Variants in FRAS1 observed in about 807,000 individuals in gnomAD.
FRAS1 encodes the protein Fraser extracellular matrix complex subunit 1, also known as extracellular matrix organizing protein FRAS1.
In FRAS1, 290 loss-of-function variants were observed where a neutral mutation model predicts 435.2. The observed-to-expected ratio is 0.67, with a 90% CI of 0.61 to 0.73. FRAS1 has a LOEUF of 0.73. Ranked by LOEUF, FRAS1 falls within the 30% of genes least tolerant of loss-of-function variation. FRAS1 has a pLI of 0.00. For synonymous variants in FRAS1, 1,800 were observed against 1,851.0 expected, an observed-to-expected ratio of 0.97 and a Z score of 0.71; for missense variants, 4,860 against 5,001.5, an observed-to-expected ratio of 0.97 and a Z score of 0.85.
chr4:78,246,897 G>A (rs189722868), intron 4 of FRAS1, among the ~76,000 whole-genome samples: 13 of 152,288 alleles, frequency 8.5e-5, no homozygotes, highest in African/African-American at 2.9e-4. Context: ...AATTTAAGAT[G>A]CCTGAGAATA....
chr4:78,116,282 G>A (rs1743168079), intron 2 of FRAS1, among the ~76,000 whole-genome samples: 2 of 152,168 alleles, frequency 1.3e-5, no homozygotes, highest in African/African-American at 2.4e-5. Context: ...GGTGTGGTGT[G>A]GTGCTGAAAA....
chr4:78,500,035 G>T, intron 61 of FRAS1, 114 bp downstream of exon 61: 1 of 792,156 alleles, frequency 1.3e-6, no homozygotes. Context: ...AGTTCCAATA[G>T]CTAAAGCATT....
rs777668628 is a variant in FRAS1, at chr4:78,266,902, C to T, written c.756C>T (p.His252=). The change falls in exon 8 of 74, where the codon CAC becomes CAT. Residue 252 remains histidine, a synonymous_variant. Transcript: ENST00000512123. ...GTGACCGGGGTGAGGTCAGGTGTCA[C>T]AAGCAGGCCTGCCTGCCCCTGAGAT... ...CICDRGEVRC[H]KQACLPLRCG... 3 of 1,607,914 alleles carry T rather than the reference C, an allele frequency of 1.9e-6. No homozygotes were observed. The highest frequency in any genetic ancestry group is 2.2e-5 in the South Asian group (2 of 89,298).
chr4:78,150,735 A>G (rs1288306457), intron 2 of FRAS1, among the ~76,000 whole-genome samples: 1 of 152,162 alleles, frequency 6.6e-6, no homozygotes, highest in African/African-American at 2.4e-5. Flanking sequence ...ACAAATTCCA[A>G]AGCCTGTGAG....
chr4:78,298,018 CTCTCTCTCTCTCTATA>C (rs1728217445), intron 14 of FRAS1, among the ~76,000 whole-genome samples: 1 of 107,528 alleles, frequency 9.3e-6, no homozygotes. Context: ...CTCTCTCTCT[CTCTCTCTCTCTCTATA>C]TATATATATA....
chr4:78,067,229 C>T (rs4859908), intron 2 of FRAS1, among the ~76,000 whole-genome samples: 37,521 of 151,972 alleles, frequency 0.25, 5,010 homozygotes, highest in East Asian at 0.35. Flanking sequence ...GGCCATGTAT[C>T]ATTCCATACT....
chr4:78,125,564 G>T (rs1295900343), intron 2 of FRAS1, among the ~76,000 whole-genome samples: 1 of 152,066 alleles, frequency 6.6e-6, no homozygotes, highest in East Asian at 1.9e-4. Context: ...CTCTTTCGTT[G>T]ATCTGTCTTT....
At chr4:78,112,751 G>A (rs1326836113) in intron 2 of FRAS1, among the ~76,000 whole-genome samples, 3 of 151,844 alleles carry the variant, frequency 2.0e-5, no homozygotes, top group Non-Finnish European at 1.5e-5. Context: ...ATCTAACAGT[G>A]TCTGACAAAG....
intron 13 of FRAS1, among the ~76,000 whole-genome samples, chr4:78,286,097 T>C (rs934850013): frequency 1.3e-5 from 2 of 152,190 alleles, no homozygotes; most frequent in Non-Finnish European, 2.9e-5. Context: ...AATGCCAGCC[T>C]CATGTGACCA....
chr4:78,193,535 G>T (rs545869733), intron 2 of FRAS1, among the ~76,000 whole-genome samples: 3,181 of 152,174 alleles, frequency 0.021, 106 homozygotes, highest in African/African-American at 0.072. Context: ...GTGGCCTTCT[G>T]TGTCTCTTTT....
chr4:78,250,667 T>C (rs1200683194), intron 4 of FRAS1, among the ~76,000 whole-genome samples: 1 of 152,210 alleles, frequency 6.6e-6, no homozygotes, highest in Admixed American at 6.5e-5. Flanking sequence ...CCACAGATAC[T>C]GCATCCTCTT....
rs535249128 is a variant in FRAS1, at chr4:78,097,347, T to A, written c.108+31331T>A. Among the ~76,000 whole-genome samples, 38 of 152,352 alleles carry A rather than the reference T, an allele frequency of 2.5e-4. No homozygotes were observed. The South Asian group carries it at 7.9e-3, about 32-fold the overall frequency. On this transcript the variant is annotated intron_variant, in intron 2 of 73. Coordinates refer to ENST00000512123, the MANE Select transcript of FRAS1 (RefSeq NM_025074.7). ...CTGAGCCCTCCAAACTGTTCCAACCTCTGCCTGTTACCCAGTTCAAAAGTC... is the reference window on the plus strand; with the variant it reads ...CTGAGCCCTCCAAACTGTTCCAACCACTGCCTGTTACCCAGTTCAAAAGTC...
chr4:78,457,725 C>T (rs1719248617), intron 47 of FRAS1, among the ~76,000 whole-genome samples: 1 of 152,172 alleles, frequency 6.6e-6, no homozygotes, highest in African/African-American at 2.4e-5. Context: ...TTCAGGGAAC[C>T]CTTTCTTGCT....
At chr4:78,341,666 G>A (rs1349216715) in intron 20 of FRAS1, among the ~76,000 whole-genome samples, 1 of 152,116 alleles carries the variant, frequency 6.6e-6, no homozygotes, top group African/African-American at 2.4e-5. Flanking sequence ...CCTCAGCCCT[G>A]GGGGGTAAGG....
At chr4:78,257,499 T>A (rs748723809) in intron 6 of FRAS1, among the ~76,000 whole-genome samples, 1 of 152,182 alleles carries the variant, frequency 6.6e-6, no homozygotes, top group South Asian at 2.1e-4. Flanking sequence ...TCTGGAAAAA[T>A]TTGCAACCTG....
intron 2 of FRAS1, among the ~76,000 whole-genome samples, chr4:78,089,660 G>GC (rs1741402572): frequency 1.3e-5 from 1 of 77,026 alleles, no homozygotes; most frequent in Non-Finnish European, 3.5e-5. Flanking sequence ...TAATATAAAA[G>GC]TAGCCAATTG....
At chr4:78,200,142 A>T (rs987082504) in intron 2 of FRAS1, among the ~76,000 whole-genome samples, 5 of 152,208 alleles carry the variant, frequency 3.3e-5, no homozygotes, top group African/African-American at 1.2e-4. Context: ...GGCTGGAGTC[A>T]TGTGGATCTG....
intron 29 of FRAS1, among the ~76,000 whole-genome samples, chr4:78,394,498 T>C (rs1291358424): frequency 6.6e-6 from 1 of 152,036 alleles, no homozygotes; most frequent in African/African-American, 2.4e-5. Flanking sequence ...TGCACTCTTG[T>C]TGAAGAATAG....
intron 20 of FRAS1, among the ~76,000 whole-genome samples, chr4:78,363,189 T>C (rs1238991924): frequency 6.6e-6 from 1 of 152,194 alleles, no homozygotes; most frequent in African/African-American, 2.4e-5. Flanking sequence ...TAGTATTATC[T>C]TACTGCTTCT....
Sources: gnomAD v4.1 joint callset for allele counts (sites outside exome capture counted in the v4.1 genomes callset) on GRCh38, gnomAD v4.1.1 for gene constraint, MANE v1.5 for transcripts, NCBI Gene and HGNC (gene_info 2026-07-23, HGNC 2026-07-21) for gene names.